The following ATAD2B variants were observed in gnomAD, a reference collection of about 807,000 sequenced individuals.
The protein encoded by ATAD2B is ATPase family AAA domain-containing protein 2B.
ATAD2B carries 40 observed loss-of-function variants against 167.6 expected under a neutral mutation model. The ratio of observed to expected loss-of-function variants is 0.24; its 90% CI spans 0.19 to 0.31. ATAD2B has a LOEUF of 0.31. ATAD2B is among the 10% of genes least tolerant of loss of function. The pLI is 1.00. For synonymous variants in ATAD2B, 579 were observed against 596.5 expected, an observed-to-expected ratio of 0.97 and a Z score of 0.43; for missense variants, 1,242 against 1,757.2, an observed-to-expected ratio of 0.71 and a Z score of 5.24.
the ATAD2B span, among the ~76,000 whole-genome samples, chr2:23,725,071 G>C: frequency 7.1e-5 from 10 of 140,778 alleles, no homozygotes; most frequent in African/African-American, 2.6e-4. Flanking sequence ...AAAAAAGCCA[G>C]AGAAAAACAA....
At chr2:23,702,402 CTG>C in the ATAD2B span, among the ~76,000 whole-genome samples, 2 of 152,182 alleles carry the variant, frequency 1.3e-5, no homozygotes, top group South Asian at 4.1e-4. Flanking sequence ...TTATTGAACA[CTG>C]TATATTACAT....
At chr2:23,834,471 T>C (rs1572962173) in intron 13 of ATAD2B, among the ~76,000 whole-genome samples, 3 of 152,122 alleles carry the variant, frequency 2.0e-5, no homozygotes, top group Non-Finnish European at 2.9e-5. Flanking sequence ...TTATCAGTCT[T>C]TAATGCTAAC....
At chr2:23,699,759 C>T in the ATAD2B span, among the ~76,000 whole-genome samples, 7 of 152,232 alleles carry the variant, frequency 4.6e-5, no homozygotes, top group Admixed American at 4.6e-4. Context: ...GGCCCCACCA[C>T]ACGAGAAGGG....
chr2:23,810,219 T>G, intron 18 of ATAD2B, 97 bp downstream of exon 18: 1 of 1,080,400 alleles, frequency 9.3e-7, no homozygotes. Flanking sequence ...CATATCGTAC[T>G]CTGAAAAAAT....
the ATAD2B span, among the ~76,000 whole-genome samples, chr2:23,721,986 C>T: frequency 6.6e-6 from 1 of 152,372 alleles, no homozygotes; most frequent in South Asian, 2.1e-4. Flanking sequence ...GCAAACACCA[C>T]TAGTGTGGAT....
chr2:23,743,688 G>T (rs1056789543), downstream of ATAD2B, among the ~76,000 whole-genome samples: 1 of 152,028 alleles, frequency 6.6e-6, no homozygotes, highest in African/African-American at 2.4e-5. Context: ...TGCAGGTGCT[G>T]CGATCTTGGG....
At chr2:23,765,062 C>G (rs1312810145) in intron 23 of ATAD2B, among the ~76,000 whole-genome samples, 1 of 152,204 alleles carries the variant, frequency 6.6e-6, no homozygotes. Flanking sequence ...AGATTATAAA[C>G]TGAATTGACA....
Position 23,754,824 on chromosome 2 carries a change from A to C in ATAD2B, c.4079-50T>G, listed in dbSNP as rs1373957989. On this transcript the variant is annotated intron_variant, in intron 25 of 27. Coordinates refer to ENST00000238789, the MANE Select transcript of ATAD2B (RefSeq NM_017552.4). Reference sequence around the variant, plus strand: ...CTGCAGCAAGTAAAAGTTAAGAAAAACCAGTCTTAAGCAGTTATAAATTCT... The same window carrying C: ...CTGCAGCAAGTAAAAGTTAAGAAAACCCAGTCTTAAGCAGTTATAAATTCT... The C allele has an allele frequency of 5.1e-6, 8 of 1,570,124 alleles. No homozygotes were observed. In the East Asian group the frequency reaches 9.0e-5, roughly 18 times the overall value.
At chr2:23,887,120 C>G (rs1431943742) in intron 4 of ATAD2B, among the ~76,000 whole-genome samples, 1 of 151,900 alleles carries the variant, frequency 6.6e-6, no homozygotes, top group South Asian at 2.1e-4. Context: ...AAAAATTAGT[C>G]GGGCATGGTG....
At chr2:23,876,253 A>C (rs1158170989) in intron 7 of ATAD2B, among the ~76,000 whole-genome samples, 5 of 151,446 alleles carry the variant, frequency 3.3e-5, no homozygotes, top group African/African-American at 1.2e-4. Flanking sequence ...CGGCCTCCCA[A>C]AGTGCTGGGA....
At chr2:23,898,656 T>C (rs937849635) in intron 1 of ATAD2B, among the ~76,000 whole-genome samples, 3 of 152,206 alleles carry the variant, frequency 2.0e-5, no homozygotes, top group African/African-American at 7.2e-5. Flanking sequence ...TTTACAGAGT[T>C]TGACTCTTTT....
intron 16 of ATAD2B, among the ~76,000 whole-genome samples, chr2:23,821,186 T>G (rs1350698634): frequency 6.6e-6 from 1 of 152,184 alleles, no homozygotes; most frequent in East Asian, 1.9e-4. Flanking sequence ...CAACTGGAAC[T>G]AAAGCATACT....
At chr2:23,756,956 T>C (rs2149306441) in intron 25 of ATAD2B, among the ~76,000 whole-genome samples, 1 of 152,328 alleles carries the variant, frequency 6.6e-6, no homozygotes, top group South Asian at 2.1e-4. Context: ...CACATGATTA[T>C]AATGAACAAG....
the ATAD2B span, chr2:23,690,120 C>T: frequency 6.6e-6 from 1 of 152,320 alleles, no homozygotes; most frequent in Non-Finnish European, 1.5e-5. Flanking sequence ...TCCCCCTCTC[C>T]TCCTGGCCAT....
intron 22 of ATAD2B, among the ~76,000 whole-genome samples, chr2:23,777,329 T>C (rs1025432072): frequency 3.4e-5 from 5 of 147,136 alleles, no homozygotes; most frequent in Non-Finnish European, 6.0e-5. Flanking sequence ...GTAGGCATTA[T>C]GGATCTATCA....
intron 1 of ATAD2B, among the ~76,000 whole-genome samples, chr2:23,916,952 G>A (rs1468438747): frequency 6.6e-6 from 1 of 152,124 alleles, no homozygotes; most frequent in East Asian, 1.9e-4. Context: ...CATGAAGCAG[G>A]GACTGTGTTT....
chr2:23,700,459 C>T, the ATAD2B span, among the ~76,000 whole-genome samples: 1 of 152,150 alleles, frequency 6.6e-6, no homozygotes, highest in African/African-American at 2.4e-5. This position sits in a 1 kb window ranked among gnomAD's most constrained non-coding sequence, Gnocchi z 4.6. Context: ...GGAGGAGATT[C>T]CAGAGAATGG....
intron 16 of ATAD2B, among the ~76,000 whole-genome samples, chr2:23,821,733 A>G (rs1441223780): frequency 6.6e-6 from 1 of 152,224 alleles, no homozygotes; most frequent in Non-Finnish European, 1.5e-5. Flanking sequence ...AAAGTTTATG[A>G]GCTTTATACT....
intron 17 of ATAD2B, chr2:23,811,229 T>G: frequency 6.6e-6 from 1 of 152,188 alleles, no homozygotes; most frequent in East Asian, 1.9e-4. Context: ...TTATCCCAAA[T>G]GTAGGACTCA....
Sources: gnomAD v4.1 joint callset for allele counts (sites outside exome capture counted in the v4.1 genomes callset) on GRCh38, gnomAD v4.1.1 for gene constraint, Gnocchi (gnomAD v3.1) non-coding constraint, MANE v1.5 for transcripts, NCBI Gene and HGNC (gene_info 2026-07-23, HGNC 2026-07-21) for gene names.